GABRB2: variants seen among roughly 807,000 people sequenced by gnomAD.
The protein encoded by GABRB2 is gamma-aminobutyric acid receptor subunit beta-2.
A neutral mutation model predicts 54.7 loss-of-function variants in GABRB2; 16 were observed. That is an observed-to-expected ratio of 0.29 (90% CI 0.20 to 0.44). The LOEUF (loss-of-function observed/expected upper bound fraction) is 0.44. Among genes scored for constraint, GABRB2 ranks in the 20% least tolerant of loss-of-function variants. The pLI is 1.00. For synonymous variants in GABRB2, 244 were observed against 233.8 expected, an observed-to-expected ratio of 1.04 and a Z score of -0.40; for missense variants, 355 against 644.0, an observed-to-expected ratio of 0.55 and a Z score of 4.86.
At chr5:161,496,947 G>A (rs567617820) in intron 3 of GABRB2, among the ~76,000 whole-genome samples, 1 of 152,098 alleles carries the variant, frequency 6.6e-6, no homozygotes, top group South Asian at 2.1e-4. Flanking sequence ...TTATAATAAG[G>A]CTGTATTTCC....
intron 3 of GABRB2, among the ~76,000 whole-genome samples, chr5:161,482,804 T>C (rs1324744201): frequency 6.6e-6 from 1 of 152,056 alleles, no homozygotes; most frequent in African/African-American, 2.4e-5. Context: ...CCATATTTAA[T>C]TGTTACTTAT....
chr5:161,305,471 T>G (rs1366665837), intron 9 of GABRB2, among the ~76,000 whole-genome samples: 1 of 152,200 alleles, frequency 6.6e-6, no homozygotes, highest in Non-Finnish European at 1.5e-5. Context: ...GAGGTAGGAA[T>G]GAGAATCTGC....
At chr5:161,402,110 T>C (rs755809507) in intron 5 of GABRB2, among the ~76,000 whole-genome samples, 4 of 151,678 alleles carry the variant, frequency 2.6e-5, no homozygotes, top group Non-Finnish European at 2.9e-5. Flanking sequence ...CATTCATACA[T>C]ATAAAATCAT....
chr5:161,337,500 C>T (rs1258455230), intron 5 of GABRB2, among the ~76,000 whole-genome samples: 1 of 152,090 alleles, frequency 6.6e-6, no homozygotes, highest in Non-Finnish European at 1.5e-5. Flanking sequence ...TGGAGGCATG[C>T]TTCCATTCAT....
chr5:161,477,588 A>T (rs9313888), intron 3 of GABRB2, among the ~76,000 whole-genome samples: 26,074 of 151,842 alleles, frequency 0.17, 3,143 homozygotes, highest in African/African-American at 0.34. Context: ...CAGGATAAAC[A>T]AAATGAGGTC....
chr5:161,507,892 A>T (rs1424417450), intron 3 of GABRB2, among the ~76,000 whole-genome samples: 1 of 152,024 alleles, frequency 6.6e-6, no homozygotes, highest in Non-Finnish European at 1.5e-5. Context: ...ATTTCCATAC[A>T]TCGTTGGTGA....
At chr5:161,313,283 T>C (rs1232462317) in intron 9 of GABRB2, among the ~76,000 whole-genome samples, 1 of 152,196 alleles carries the variant, frequency 6.6e-6, no homozygotes, top group Non-Finnish European at 1.5e-5. Flanking sequence ...TAGAATCCTT[T>C]AAACCTCTTT....
upstream of GABRB2, chr5:161,548,158 C>T (rs1334706619): frequency 6.6e-6 from 1 of 152,422 alleles, no homozygotes; most frequent in Non-Finnish European, 1.5e-5. Flanking sequence ...GCTGCCTCTT[C>T]CCTTCCTCCT....
rs575099291 is a variant in GABRB2 at position 161,400,321 on chromosome 5, G to A, written c.541+10654C>T. 5.9e-5 allele frequency among the ~76,000 whole-genome samples: 9 copies of A among 152,218 alleles called. No individual in the cohort carries two copies. In the South Asian group the frequency reaches 1.9e-3, roughly 32 times the overall value. ...CAAATGTGGCATTTTCACCTAATTA[G>A]GATCAAGTATGAAATGAAGCCCAGC... On this transcript the variant is annotated intron_variant, in intron 5 of 9. Coordinates refer to ENST00000393959, the MANE Select transcript of GABRB2 (RefSeq NM_001371727.1).
intron 9 of GABRB2, among the ~76,000 whole-genome samples, chr5:161,320,508 T>C (rs890862627): frequency 6.6e-6 from 1 of 151,860 alleles, no homozygotes; most frequent in African/African-American, 2.4e-5. Flanking sequence ...AATTATATGA[T>C]TCATAATGAT....
In GABRB2 at chr5:161,293,666, G is replaced by T. The variant is rs750564358; in HGVS notation, c.*415C>A. On this transcript the variant is annotated 3_prime_UTR_variant, in exon 10 of 10. Transcript: ENST00000393959. ...GTGTTTGCATGGCATTACAGATAAT[G>T]TTTCATAAGGACAATGCCATCTCAA... is the stretch of plus-strand genomic sequence containing the variant. 1 of 167,864 alleles carries T rather than the reference G, an allele frequency of 6.0e-6. No individual in the cohort carries two copies. The allele number at this position is 167,864 out of a possible 1,614,324, so 10.4% of individuals were successfully genotyped here. A position where few individuals can be genotyped will look rare whatever the true frequency, so the allele number is the denominator to read the frequency against.
intron 3 of GABRB2, among the ~76,000 whole-genome samples, chr5:161,470,150 G>A (rs998221007): frequency 2.0e-5 from 3 of 151,150 alleles, no homozygotes; most frequent in African/African-American, 4.9e-5. Flanking sequence ...ACTTCCATGA[G>A]GATCCTTCCA....
At chr5:161,502,070 T>C (rs1759461484) in intron 3 of GABRB2, among the ~76,000 whole-genome samples, 1 of 150,120 alleles carries the variant, frequency 6.7e-6, no homozygotes, top group African/African-American at 2.4e-5. Flanking sequence ...AAAAATGTTA[T>C]ATTATCTTAC....
chr5:161,528,304 T>C (rs1760345610), intron 3 of GABRB2, among the ~76,000 whole-genome samples: 1 of 151,826 alleles, frequency 6.6e-6, no homozygotes, highest in Non-Finnish European at 1.5e-5. Context: ...CACTGAGATC[T>C]TCATTTTCAT....
At chr5:161,323,774 T>C (rs1461633764) in intron 9 of GABRB2, among the ~76,000 whole-genome samples, 4 of 152,132 alleles carry the variant, frequency 2.6e-5, no homozygotes, top group South Asian at 2.1e-4. Flanking sequence ...TGCAAGGTAA[T>C]TGTGTGCGTA....
intron 3 of GABRB2, among the ~76,000 whole-genome samples, chr5:161,472,575 T>A (rs754504286): frequency 1.3e-5 from 2 of 151,956 alleles, no homozygotes; most frequent in African/African-American, 4.8e-5. Context: ...TGATTTGAAC[T>A]CTGAAGTTGT....
At chr5:161,385,891 C>T (rs1021159538) in intron 5 of GABRB2, among the ~76,000 whole-genome samples, 8 of 151,006 alleles carry the variant, frequency 5.3e-5, no homozygotes, top group African/African-American at 1.9e-4. Flanking sequence ...ACATCTAAAA[C>T]ATTTAGGATA....
At chr5:161,307,027 C>T (rs761789032) in intron 9 of GABRB2, among the ~76,000 whole-genome samples, 2 of 152,120 alleles carry the variant, frequency 1.3e-5, no homozygotes, top group Non-Finnish European at 1.5e-5. Flanking sequence ...TTCTTACTAG[C>T]GCATGGTTGA....
chr5:161,327,424 T>C (rs1483974937), intron 8 of GABRB2, among the ~76,000 whole-genome samples: 2 of 152,130 alleles, frequency 1.3e-5, no homozygotes, highest in South Asian at 2.1e-4. Context: ...CACACTTTTA[T>C]GTACACTGGA....
Sources: gnomAD v4.1 joint callset for allele counts (sites outside exome capture counted in the v4.1 genomes callset) on GRCh38, gnomAD v4.1.1 for gene constraint, MANE v1.5 for transcripts, NCBI Gene and HGNC (gene_info 2026-07-23, HGNC 2026-07-21) for gene names.